Variants in PCID2 observed in about 807,000 individuals in gnomAD.
PCID2 encodes PCI domain containing 2.
In PCID2, 41 loss-of-function variants were observed where a neutral mutation model predicts 61.3. That is an observed-to-expected ratio of 0.67 (90% CI 0.52 to 0.87). The LOEUF is 0.87. PCID2 is among the 40% of genes least tolerant of loss of function. The pLI is 0.00. For missense variants in PCID2, 392 were observed against 493.4 expected (o/e 0.79, Z 1.95); for synonymous variants, 187 against 177.8 (o/e 1.05, Z -0.41).
intron 6 of PCID2, among the ~76,000 whole-genome samples, chr13:113,194,410 C>T (rs996113761): frequency 6.6e-6 from 1 of 152,176 alleles, no homozygotes; most frequent in Non-Finnish European, 1.5e-5. Context: ...ACTCCCTACA[C>T]GTGACTCTGA....
At chr13:113,193,326 T>C (rs984489235) in intron 6 of PCID2, among the ~76,000 whole-genome samples, 1 of 152,078 alleles carries the variant, frequency 6.6e-6, no homozygotes. Flanking sequence ...AGTCAAAGAA[T>C]TATCTCAATG....
chr13:113,183,790 C>G, intron 9 of PCID2: 1 of 984,598 alleles, frequency 1.0e-6, no homozygotes, highest in Non-Finnish European at 1.2e-6. Context: ...AAGTTACCAA[C>G]GTAAACTAAT....
chr13:113,184,143 T>C (rs935415426), intron 9 of PCID2: 1 of 483,296 alleles, frequency 2.1e-6, no homozygotes, highest in Non-Finnish European at 2.7e-6. Context: ...GACTCCAGCA[T>C]GCACTTCAGA....
At chr13:113,198,748 T>C (rs933966653) in intron 2 of PCID2, among the ~76,000 whole-genome samples, 4 of 151,988 alleles carry the variant, frequency 2.6e-5, no homozygotes, top group African/African-American at 7.3e-5. Flanking sequence ...TCAACAAATA[T>C]TTATCAATAT....
chr13:113,197,599 A>G (rs965543598), intron 3 of PCID2, among the ~76,000 whole-genome samples: 11 of 152,206 alleles, frequency 7.2e-5, no homozygotes, highest in African/African-American at 2.7e-4. Context: ...AACCTATCGC[A>G]CACTGCACAG....
chr13:113,180,727 A>G (rs1346717654), intron 10 of PCID2, among the ~76,000 whole-genome samples: 2 of 152,262 alleles, frequency 1.3e-5, no homozygotes, highest in African/African-American at 4.8e-5. Flanking sequence ...AGTTATTTCA[A>G]GTATCAAAAA....
chr13:113,207,043 ACT>A (rs772344014), intron 1 of PCID2, among the ~76,000 whole-genome samples: 6 of 152,176 alleles, frequency 3.9e-5, no homozygotes, highest in South Asian at 2.1e-4. Context: ...TGGAAAAATG[ACT>A]CTCTCCAATC....
At chr13:113,178,637 T>A (rs1020765041) in intron 13 of PCID2, among the ~76,000 whole-genome samples, 10 of 152,130 alleles carry the variant, frequency 6.6e-5, no homozygotes, top group African/African-American at 1.9e-4. Context: ...TAATTTAAAG[T>A]ATACAGGAGG....
At chr13:113,169,360 C>T in the PCID2 span, among the ~76,000 whole-genome samples, 2 of 152,234 alleles carry the variant, frequency 1.3e-5, no homozygotes, top group African/African-American at 4.8e-5. Context: ...ATTTGGACTA[C>T]AGTTACAATC....
intron 2 of PCID2, among the ~76,000 whole-genome samples, chr13:113,199,971 T>G (rs2039293976): frequency 1.3e-5 from 2 of 152,140 alleles, no homozygotes; most frequent in African/African-American, 4.8e-5. Flanking sequence ...GTCCACAAGA[T>G]TTTCTATAGA....
chr13:113,200,097 G>A (rs929035028), intron 2 of PCID2, among the ~76,000 whole-genome samples: 8 of 152,166 alleles, frequency 5.3e-5, no homozygotes, highest in African/African-American at 1.9e-4. Flanking sequence ...GGAGACACCT[G>A]TGGTACATGA....
At chr13:113,175,143 T>A (rs1228787147), downstream of PCID2, among the ~76,000 whole-genome samples, 1 of 152,198 alleles carries the variant, frequency 6.6e-6, no homozygotes, top group Admixed American at 6.5e-5. Context: ...TGTGGAACTG[T>A]GAGTCCATTA....
the PCID2 span, chr13:113,170,672 T>C: frequency 1.5e-6 from 1 of 651,260 alleles, no homozygotes; most frequent in Non-Finnish European, 2.7e-6. Flanking sequence ...GAGATACTTA[T>C]CAACTCAGGA....
rs373010760 is a variant in PCID2, at chr13:113,208,665, C to T, written c.-31G>A. On this transcript the variant is annotated 5_prime_UTR_variant, in exon 1 of 14. Transcript: ENST00000337344. ...CGCCGCCGAACGGAGAGCGCCACCC[C>T]CTACGCCTCAAGCGGGCCAGCTGGC... is the stretch of plus-strand genomic sequence containing the variant. 36 of 1,597,982 alleles carry T rather than the reference C, an allele frequency of 2.3e-5. No individual in the cohort carries two copies. Among genetic ancestry groups the T allele is most frequent in the African/African-American group, 1.8e-4 (13 of 74,120 alleles).
chr13:113,179,978 C>G lies in PCID2; in HGVS notation c.925G>C (p.Gly309Arg), dbSNP rs1566940756. 2 of 1,614,014 alleles carry G rather than the reference C, an allele frequency of 1.2e-6. No homozygotes were observed. Among genetic ancestry groups the G allele is most frequent in the Non-Finnish European group, 1.7e-6 (2 of 1,179,950 alleles). Residue 309 changes from glycine (G) to arginine (R), a missense_variant, in exon 12 of 14, where the codon GGA becomes CGA. This residue lies in a region of PCID2 where 226 missense variants were observed against 296.5 expected (regional missense o/e 0.76). Coordinates refer to ENST00000337344, the MANE Select transcript of PCID2 (RefSeq NM_001127202.4). The surrounding 1 kb of genome is among the most constrained non-coding windows in gnomAD (Gnocchi z 4.3). ...AKHEAFFIRC[G>R]IFLILEKLKI... ...AGCTTCTCCAGGATGAGGAAGATTCCGCAGCGAATGAAGAAGGCCTCGTGC... is the reference window on the plus strand; with the variant it reads ...AGCTTCTCCAGGATGAGGAAGATTCGGCAGCGAATGAAGAAGGCCTCGTGC...
At chr13:113,187,902 T>TGC (rs1245328151) in intron 7 of PCID2, 7 of 152,234 alleles carry the variant, frequency 4.6e-5, no homozygotes, top group African/African-American at 1.7e-4. Flanking sequence ...GAGAAGCCAC[T>TGC]GCCTAATCAA....
At position 113,184,417 on chromosome 13, in the gene PCID2, C is replaced by T; in HGVS notation, c.614G>A (p.Ser205Asn). ...IDSSNLKDDY[S>N]TAQRVTYKYY... is the part of the protein sequence containing the mutation. Reference sequence around the variant, plus strand: ...TTTGTATGTTACTCTCTGTGCAGTGCTGTAATCGTCTTTCAGGTTTGAGCT... The same window carrying T: ...TTTGTATGTTACTCTCTGTGCAGTGTTGTAATCGTCTTTCAGGTTTGAGCT... The change falls in exon 9 of 14, where the codon AGC becomes AAC. Residue 205 changes from serine (S) to asparagine (N), a missense_variant. By Grantham distance (46) the Ser-to-Asn change is conservative. Transcript: ENST00000337344. 6.2e-7 allele frequency: 1 copy of T among 1,606,376 alleles called. No homozygotes were observed. Among genetic ancestry groups the T allele is most frequent in the Non-Finnish European group, 8.5e-7 (1 of 1,172,868 alleles).
intron 9 of PCID2, 26 bp downstream of exon 9, chr13:113,184,317 ATAC>A (rs537112122): frequency 2.7e-5 from 43 of 1,590,668 alleles, no homozygotes; most frequent in Non-Finnish European, 3.5e-5. Flanking sequence ...CTTATTTAAA[ATAC>A]TGGGAAAAAA....
rs1400056640 is a variant in PCID2 at position 113,200,414 on chromosome 13, C to G, written c.126+13G>C. The G allele has an allele frequency of 6.5e-7, 1 of 1,532,240 alleles. No individual in the cohort carries two copies. The highest frequency in any genetic ancestry group is 1.7e-5 in the Admixed American group (1 of 59,938). The allele number at this position is 1,532,240 out of a possible 1,614,324, so 94.9% of individuals were successfully genotyped here. A position where few individuals can be genotyped will look rare whatever the true frequency, so the allele number is the denominator to read the frequency against. ...TGTCTGCAGACACCTGTGTGCACAG[C>G]TCTTTCACCTACTTGAAGTCGTGGG... On this transcript the variant is annotated intron_variant, in intron 2 of 13. Transcript: ENST00000337344.
Sources: gnomAD v4.1 joint callset for allele counts (sites outside exome capture counted in the v4.1 genomes callset) on GRCh38, gnomAD v4.1.1 for gene constraint, gnomAD v4.1.1 regional missense constraint, Gnocchi (gnomAD v3.1) non-coding constraint, MANE v1.5 for transcripts, NCBI Gene and HGNC (gene_info 2026-07-23, HGNC 2026-07-21) for gene names.